MTMR8: variants seen among roughly 807,000 people sequenced by gnomAD.
MTMR8 encodes the protein myotubularin related protein 8.
MTMR8 carries 65 observed loss-of-function variants against 39.3 expected under a neutral mutation model. That is an observed-to-expected ratio of 1.65 (90% CI 1.35 to 2.03). The LOEUF is 2.03. MTMR8 is among the 30% of genes most tolerant of loss of function. MTMR8 has a pLI of 0.00. For synonymous variants in MTMR8, 245 were observed against 185.2 expected, an observed-to-expected ratio of 1.32 and a Z score of -2.62; for missense variants, 777 against 538.9, an observed-to-expected ratio of 1.44 and a Z score of -4.37.
chrX:64,300,683 A>G (rs1921830397), intron 12 of MTMR8, among the ~76,000 whole-genome samples: 1 of 102,842 alleles, frequency 9.7e-6, no homozygotes, highest in African/African-American at 3.6e-5. Flanking sequence ...GATGGTCTTT[A>G]CATTTTGGCA....
intron 6 of MTMR8, among the ~76,000 whole-genome samples, chrX:64,345,434 A>T (rs1192059234): frequency 8.9e-6 from 1 of 112,029 alleles, no homozygotes; most frequent in Non-Finnish European, 1.9e-5. Flanking sequence ...TAAGAGAGAA[A>T]AGTTATGGCA....
intron 12 of MTMR8, among the ~76,000 whole-genome samples, chrX:64,301,481 A>C (rs1273230469): frequency 9.4e-6 from 1 of 106,260 alleles, no homozygotes; most frequent in Non-Finnish European, 1.9e-5. Context: ...CATTCTTCTA[A>C]ATTTTTTTCA....
At chrX:64,369,140 A>T (rs951728495) in intron 1 of MTMR8, among the ~76,000 whole-genome samples, 6 of 112,149 alleles carry the variant, frequency 5.4e-5, no homozygotes, top group Non-Finnish European at 1.1e-4. Context: ...ATGTGGAGAA[A>T]TAGGAATGCC....
chrX:64,302,432 G>T (rs981714603), intron 12 of MTMR8, among the ~76,000 whole-genome samples: 1 of 111,900 alleles, frequency 8.9e-6, no homozygotes, highest in African/African-American at 3.3e-5. Flanking sequence ...GCTCGCGGAC[G>T]GTGCGCACAC....
chrX:64,337,918 A>C (rs1236038267), intron 8 of MTMR8, among the ~76,000 whole-genome samples: 1 of 111,957 alleles, frequency 8.9e-6, no homozygotes, highest in African/African-American at 3.2e-5. Flanking sequence ...TTAACCTGGG[A>C]AATTTTGGCA....
intron 12 of MTMR8, among the ~76,000 whole-genome samples, chrX:64,275,564 A>C (rs1188879270): frequency 1.9e-5 from 2 of 105,016 alleles, no homozygotes; most frequent in Admixed American, 2.1e-4. Context: ...ACATGCTTGT[A>C]GTCCCAGCTA....
intron 1 of MTMR8, among the ~76,000 whole-genome samples, chrX:64,379,544 A>G (rs956935489): frequency 9.0e-6 from 1 of 111,425 alleles, no homozygotes; most frequent in Non-Finnish European, 1.9e-5. Flanking sequence ...GAAGGATCTA[A>G]CCCAGTCCTC....
At chrX:64,389,643 C>A (rs1026039859) in intron 1 of MTMR8, among the ~76,000 whole-genome samples, 2 of 111,727 alleles carry the variant, frequency 1.8e-5, no homozygotes, top group African/African-American at 6.5e-5. Context: ...GATGCTCAGG[C>A]AAATCTCCCT....
At position 64,356,349 on chromosome X, in the gene MTMR8, T is replaced by G. The variant is rs753139289; in HGVS notation, c.148-11A>C. Reference sequence around the variant, plus strand: ...GTGATGGAGTGCAATCTGAAAAACATAAAAGAACCAGCGTAAACATACAGA... The same window carrying G: ...GTGATGGAGTGCAATCTGAAAAACAGAAAAGAACCAGCGTAAACATACAGA... On this transcript the variant is annotated splice_polypyrimidine_tract_variant and intron_variant, in intron 2 of 13. Coordinates refer to ENST00000374852, the MANE Select transcript of MTMR8 (RefSeq NM_017677.4). 2.5e-6 allele frequency: 3 copies of G among 1,196,326 alleles called. No homozygotes were observed. Among genetic ancestry groups the G allele is most frequent in the Middle Eastern group, 4.7e-4 (2 of 4,282 alleles).
At position 64,380,340 on chromosome X, in the gene MTMR8, C is replaced by A. The variant is rs1028427880; in HGVS notation, c.24+15000G>T. Among the ~76,000 whole-genome samples the A allele has an allele frequency of 2.7e-5, 3 of 112,828 alleles. No homozygotes were observed. The East Asian group carries it at 8.3e-4, about 31-fold the overall frequency. ...ACTCTGCAGTGACTTAGCCTCACAACACAAACCTTCTTTCAGTTAAACCAG... is the reference window on the plus strand; with the variant it reads ...ACTCTGCAGTGACTTAGCCTCACAAAACAAACCTTCTTTCAGTTAAACCAG... On this transcript the variant is annotated intron_variant, in intron 1 of 13. Transcript: ENST00000374852.
At chrX:64,299,452 T>C (rs1403075934) in intron 12 of MTMR8, among the ~76,000 whole-genome samples, 11 of 108,158 alleles carry the variant, frequency 1.0e-4, no homozygotes, top group African/African-American at 3.7e-4. Context: ...TTATTGTGTC[T>C]ATTTGAGTCT....
intron 1 of MTMR8, among the ~76,000 whole-genome samples, chrX:64,394,293 G>C (rs926627950): frequency 8.9e-6 from 1 of 111,749 alleles, no homozygotes; most frequent in African/African-American, 3.3e-5. Flanking sequence ...AGGAGATTTG[G>C]GTGGGGACAC....
At chrX:64,369,314 T>C (rs74453655) in intron 1 of MTMR8, among the ~76,000 whole-genome samples, 26,828 of 111,292 alleles carry the variant, frequency 0.24, 7,717 homozygotes, top group African/African-American at 0.83. Flanking sequence ...CACATGCACA[T>C]GTGTGTTTAT....
chrX:64,319,876 C>A (rs1030822535), intron 12 of MTMR8, among the ~76,000 whole-genome samples: 35 of 110,918 alleles, frequency 3.2e-4, no homozygotes, highest in Non-Finnish European at 6.0e-4. Context: ...GGGATTGACT[C>A]GGTGATGCGG....
chrX:64,335,430 C>T (rs1270043070), intron 10 of MTMR8, among the ~76,000 whole-genome samples: 1 of 112,096 alleles, frequency 8.9e-6, no homozygotes, highest in Non-Finnish European at 1.9e-5. Context: ...CTGCACCCGG[C>T]CAAATCTCAA....
intron 9 of MTMR8, 26 bp from the exon 10 acceptor site, chrX:64,336,154 T>C (rs1923067765): frequency 9.0e-7 from 1 of 1,106,266 alleles, no homozygotes; most frequent in African/African-American, 1.8e-5. Flanking sequence ...AAGAAAGTGT[T>C]TGCATTAGGA....
chrX:64,376,359 G>C (rs903999247), intron 1 of MTMR8, among the ~76,000 whole-genome samples: 3 of 112,058 alleles, frequency 2.7e-5, no homozygotes, highest in Non-Finnish European at 5.6e-5. Context: ...CCAAAATGTT[G>C]ATAGTGATAT....
At chrX:64,300,216 A>T (rs1921803318) in intron 12 of MTMR8, among the ~76,000 whole-genome samples, 1 of 109,023 alleles carries the variant, frequency 9.2e-6, no homozygotes, top group African/African-American at 3.3e-5. Flanking sequence ...TGGGAGTCTA[A>T]GTCTCTTTGT....
At chrX:64,275,016 T>C (rs994782797) in intron 12 of MTMR8, among the ~76,000 whole-genome samples, 8 of 111,442 alleles carry the variant, frequency 7.2e-5, no homozygotes, top group African/African-American at 2.6e-4. Context: ...CAATAATGTA[T>C]TGCATATTTC....
Sources: allele counts gnomAD v4.1 joint callset (sites outside exome capture counted in the v4.1 genomes callset), GRCh38; gene constraint gnomAD v4.1.1; transcripts MANE v1.5; gene names NCBI Gene and HGNC (gene_info 2026-07-23, HGNC 2026-07-21).